Variants in SGCD observed in about 807,000 individuals in gnomAD.
The protein encoded by SGCD is delta-sarcoglycan.
In SGCD, 18 loss-of-function variants were observed where a neutral mutation model predicts 36.6. That is an observed-to-expected ratio of 0.49 (90% CI 0.34 to 0.73). The LOEUF is 0.73. Ranked by LOEUF, SGCD falls within the 30% of genes least tolerant of loss-of-function variation. SGCD has a pLI of 0.01. For missense variants in SGCD, 387 were observed against 346.7 expected (o/e 1.12, Z -0.92); for synonymous variants, 133 against 130.6 (o/e 1.02, Z -0.12).
chr5:156,502,690 T>C (rs1262751290), intron 3 of SGCD, among the ~76,000 whole-genome samples: 1 of 152,144 alleles, frequency 6.6e-6, no homozygotes, highest in Non-Finnish European at 1.5e-5. Context: ...GAAGTTGTAG[T>C]TCCTAATTGA....
intron 4 of SGCD, among the ~76,000 whole-genome samples, chr5:156,537,486 C>T (rs976891854): frequency 1.3e-5 from 2 of 150,804 alleles, no homozygotes; most frequent in African/African-American, 4.9e-5. Context: ...CACACACACA[C>T]ACACACACAC....
chr5:156,665,130 C>A (rs75241391), intron 7 of SGCD, among the ~76,000 whole-genome samples: 1 of 150,970 alleles, frequency 6.6e-6, no homozygotes, highest in African/African-American at 2.5e-5. Context: ...GAAGTTCAGC[C>A]GGCGGCCAGT....
At chr5:156,047,651 GA>G (rs919899354) in intron 1 of SGCD, among the ~76,000 whole-genome samples, 8 of 152,148 alleles carry the variant, frequency 5.3e-5, no homozygotes, top group Admixed American at 3.3e-4. Flanking sequence ...GCTTGGGGGG[GA>G]AAAAGTTCTT....
At chr5:156,130,937 C>T (rs1189548298) in intron 3 of SGCD, among the ~76,000 whole-genome samples, 1 of 152,110 alleles carries the variant, frequency 6.6e-6, no homozygotes, top group Non-Finnish European at 1.5e-5. Context: ...CCACGTTGGC[C>T]AGGCTGGTCT....
chr5:155,960,997 T>C (rs375721728), intron 1 of SGCD, among the ~76,000 whole-genome samples: 1 of 152,244 alleles, frequency 6.6e-6, no homozygotes. Flanking sequence ...CTAAGTGGTT[T>C]GGAAGAGAAG....
chr5:155,919,781 A>G (rs1314570732), intron 1 of SGCD, among the ~76,000 whole-genome samples: 3 of 152,144 alleles, frequency 2.0e-5, no homozygotes. Flanking sequence ...TTCATTTGAA[A>G]GATGGATTGA....
intron 1 of SGCD, among the ~76,000 whole-genome samples, chr5:156,061,894 T>G (rs1760218203): frequency 2.1e-5 from 3 of 142,252 alleles, no homozygotes; most frequent in South Asian, 2.2e-4. Context: ...TAAAAGATAT[T>G]TGGTGATAAT....
chr5:156,489,066 G>C (rs568577224), intron 3 of SGCD, among the ~76,000 whole-genome samples: 1 of 152,068 alleles, frequency 6.6e-6, no homozygotes, highest in South Asian at 2.1e-4. Context: ...AAAAGAAGCA[G>C]GGGTAGCTTT....
rs763898436 is a variant in SGCD, at chr5:155,936,064, C to T, written c.-282+65640C>T. ...TGTGGCGCCTGGAAGCTTGGAGATG[C>T]CAGGAATCACAGAGGCCCAAAGAGG... On this transcript the variant is annotated intron_variant, in intron 1 of 9. Transcript: ENST00000517913. 1.5e-4 allele frequency among the ~76,000 whole-genome samples: 23 copies of T among 152,114 alleles called. 1 individual carries two copies. Among genetic ancestry groups the T allele is most frequent in the Non-Finnish European group, 2.9e-5 (2 of 68,012 alleles).
intron 3 of SGCD, among the ~76,000 whole-genome samples, chr5:156,459,133 T>A (rs1019247300): frequency 4.6e-5 from 7 of 152,114 alleles, no homozygotes; most frequent in Non-Finnish European, 1.0e-4. Flanking sequence ...TTTTTTGCCC[T>A]TTCTCTTTCC....
the SGCD span, among the ~76,000 whole-genome samples, chr5:155,865,212 C>G: frequency 6.6e-6 from 1 of 151,660 alleles, no homozygotes; most frequent in Non-Finnish European, 1.5e-5. Context: ...TAACCCATAA[C>G]CCATAACATA....
At chr5:155,775,246 C>T in the SGCD span, among the ~76,000 whole-genome samples, 1 of 152,070 alleles carries the variant, frequency 6.6e-6, no homozygotes, top group Non-Finnish European at 1.5e-5. Context: ...GCTTTATATT[C>T]CTGTTGTTTG....
the SGCD span, among the ~76,000 whole-genome samples, chr5:155,772,629 C>T: frequency 6.6e-6 from 1 of 151,992 alleles, no homozygotes; most frequent in Admixed American, 6.6e-5. Flanking sequence ...TTAAGTCTTC[C>T]AGATACAATA....
At chr5:156,239,445 G>A (rs1765251657) in intron 3 of SGCD, among the ~76,000 whole-genome samples, 1 of 150,786 alleles carries the variant, frequency 6.6e-6, no homozygotes, top group Admixed American at 6.6e-5. Context: ...GTGCAAGGGG[G>A]AATAGTATAG....
At chr5:156,254,348 A>G (rs761691058) in intron 3 of SGCD, among the ~76,000 whole-genome samples, 9 of 152,190 alleles carry the variant, frequency 5.9e-5, no homozygotes, top group East Asian at 1.9e-4. Flanking sequence ...AACATTAGGT[A>G]TATCTCCTAA....
chr5:156,333,783 ATTTTTTTTTTTTTTTTTTTTTTTT>A (rs70984404), intron 2 of SGCD, among the ~76,000 whole-genome samples: 4 of 19,966 alleles, frequency 2.0e-4, no homozygotes, highest in Admixed American at 7.6e-4. Context: ...TAGAAAAGTG[ATTTTTTTTTTTTTTTTTTTTTTTT>A]TTTTTTTTTT....
At chr5:155,830,872 G>A in the SGCD span, among the ~76,000 whole-genome samples, 3 of 152,096 alleles carry the variant, frequency 2.0e-5, no homozygotes, top group African/African-American at 2.4e-5. Context: ...AAACACAGAT[G>A]AATGCACTTT....
chr5:156,578,575 A>T (rs1336018616), intron 4 of SGCD, among the ~76,000 whole-genome samples: 1 of 152,208 alleles, frequency 6.6e-6, no homozygotes, highest in Non-Finnish European at 1.5e-5. Context: ...GCTATTAATT[A>T]TTACCTCAAT....
intron 1 of SGCD, among the ~76,000 whole-genome samples, chr5:156,113,713 T>A (rs759346648): frequency 2.3e-4 from 35 of 152,256 alleles, no homozygotes; most frequent in Non-Finnish European, 3.1e-4. Context: ...TGCACATGGA[T>A]GTTTGCAGCA....
Sources: allele counts gnomAD v4.1 joint callset (sites outside exome capture counted in the v4.1 genomes callset), GRCh38; gene constraint gnomAD v4.1.1; transcripts MANE v1.5; gene names NCBI Gene and HGNC (gene_info 2026-07-23, HGNC 2026-07-21).